The following EFCAB10 variants were observed in gnomAD, a reference collection of about 807,000 sequenced individuals.
The protein encoded by EFCAB10 is EF-hand calcium-binding domain-containing protein 10.
In EFCAB10, 7 loss-of-function variants were observed where a neutral mutation model predicts 7.7. The observed-to-expected ratio is 0.91, with a 90% CI of 0.52 to 1.72. The LOEUF (loss-of-function observed/expected upper bound fraction) is 1.72. EFCAB10 is among the 40% of genes most tolerant of loss of function. EFCAB10 has a pLI of 0.00. For missense variants in EFCAB10, 112 were observed against 61.5 expected, an observed-to-expected ratio of 1.82 and a Z score of -2.74; for synonymous variants, 52 against 21.0, an observed-to-expected ratio of 2.47 and a Z score of -4.03.
chr7:105,569,054 C>G (rs536758058), intron 3 of EFCAB10, 149 bp downstream of exon 3: 1 of 606,120 alleles, frequency 1.6e-6, no homozygotes, highest in South Asian at 2.0e-5. Context: ...TTACCGTCAG[C>G]CTTACCTGTC....
In EFCAB10 at chr7:105,580,635, G is replaced by A. The variant is rs75541981; in HGVS notation, c.106+723C>T. 9.6e-4 allele frequency among the ~76,000 whole-genome samples: 146 copies of A among 152,056 alleles called. 3 individuals carry two copies. Among genetic ancestry groups the A allele is most frequent in the Admixed American group, 7.7e-3 (117 of 15,270 alleles). On this transcript the variant is annotated intron_variant, in intron 1 of 4. Transcript: ENST00000480514. ...GTCTCCTATACATGATATTGGTTGG[G>A]TGTTTTTTGGCAAAATTGGAATGTT...
chr7:105,576,985 C>T (rs796773633), intron 1 of EFCAB10, among the ~76,000 whole-genome samples: 28 of 151,572 alleles, frequency 1.8e-4, no homozygotes, highest in African/African-American at 5.8e-4. Flanking sequence ...ACCCCAGAGG[C>T]GGAGGTTGCA....
chr7:105,565,772 G>GTCTA (rs1476993604), intron 4 of EFCAB10: 21 of 645,882 alleles, frequency 3.3e-5, no homozygotes, highest in Admixed American at 1.7e-4. Flanking sequence ...TTAAAACATT[G>GTCTA]TCTATCTACT....
intron 1 of EFCAB10, among the ~76,000 whole-genome samples, chr7:105,580,562 T>C (rs565601199): frequency 6.6e-6 from 1 of 152,160 alleles, no homozygotes; most frequent in East Asian, 1.9e-4. Flanking sequence ...CCTTTTTTTT[T>C]CTTTCTAATA....
intron 1 of EFCAB10, 106 bp downstream of exon 1, chr7:105,581,252 C>T: frequency 1.5e-6 from 1 of 651,296 alleles, no homozygotes; most frequent in Non-Finnish European, 2.8e-6. Flanking sequence ...CAGAAGGGCT[C>T]ACGTGGCTGG....
chr7:105,581,224 C>T (rs1393531583), intron 1 of EFCAB10, 134 bp downstream of exon 1: 3 of 615,528 alleles, frequency 4.9e-6, no homozygotes, highest in Non-Finnish European at 8.8e-6. Context: ...TATTGAAGGC[C>T]GCAGAGTTAA....
At chr7:105,574,548 G>A (rs942453262) in intron 1 of EFCAB10, among the ~76,000 whole-genome samples, 2 of 151,688 alleles carry the variant, frequency 1.3e-5, no homozygotes, top group South Asian at 2.1e-4. Context: ...GCAGAGGCGC[G>A]ATCTTGGCTC....
rs55834096 is a variant in EFCAB10, at chr7:105,567,513, C to T, written c.360-23G>A. ...TTCCTAAGGAAACAAAAACAGAAAA[C>T]GAAACAATGAAAACTCAATTCTATT... On this transcript the variant is annotated intron_variant, in intron 3 of 4. Transcript: ENST00000480514. The T allele has an allele frequency of 2.4e-4, 166 of 691,904 alleles. No homozygotes were observed. The African/African-American group carries it at 2.6e-3, about 11-fold the overall frequency. 42.9% of individuals were successfully genotyped at this position (691,904 alleles called of 1,614,324 possible).
At chr7:105,570,616 C>T (rs1010313048) in intron 1 of EFCAB10, among the ~76,000 whole-genome samples, 10 of 151,858 alleles carry the variant, frequency 6.6e-5, no homozygotes, top group African/African-American at 2.4e-4. Flanking sequence ...TGCTATGTTG[C>T]CCAGACCAGT....
chr7:105,578,106 C>T (rs1175677730), intron 1 of EFCAB10, among the ~76,000 whole-genome samples: 7 of 152,112 alleles, frequency 4.6e-5, no homozygotes, highest in Non-Finnish European at 7.3e-5. Context: ...TTAAGATACC[C>T]GTATTCAGGA....
chr7:105,570,228 AAAAAAAAAAAAAATAT>A (rs1181309145), intron 1 of EFCAB10, among the ~76,000 whole-genome samples: 9 of 65,032 alleles, frequency 1.4e-4, no homozygotes, highest in African/African-American at 6.0e-4. Flanking sequence ...AAAAAAAAAA[AAAAAAAAAAAAAATAT>A]ATATATATAT....
At chr7:105,571,089 A>G (rs1791939108) in intron 1 of EFCAB10, 1 of 152,200 alleles carries the variant, frequency 6.6e-6, no homozygotes, top group Non-Finnish European at 1.5e-5. Context: ...AAAAGTAGAC[A>G]GAAAAGTAAA....
Position 105,570,971 on chromosome 7 carries a change from G to C in EFCAB10, c.107-1400C>G, listed in dbSNP as rs1254305466. On this transcript the variant is annotated intron_variant, in intron 1 of 4. Transcript: ENST00000480514. ...ACCTGGGAGGTGGACCTTGCAGTGA[G>C]CTGAGATTGCGCCACAGCACTCCAG... The C allele has an allele frequency of 2.0e-5, 3 of 152,118 alleles. No individual in the cohort carries two copies. In the East Asian group the frequency reaches 5.8e-4, roughly 29 times the overall value. 9.4% of individuals were successfully genotyped at this position (152,118 alleles called of 1,614,324 possible).
intron 1 of EFCAB10, among the ~76,000 whole-genome samples, chr7:105,570,223 AAAAAAAAAAAAAAAAAAATAT>A (rs1336445689): frequency 2.2e-4 from 14 of 64,388 alleles, no homozygotes; most frequent in African/African-American, 9.0e-4. Flanking sequence ...AAAAAAAAAA[AAAAAAAAAAAAAAAAAAATAT>A]ATATATATAT....
chr7:105,570,630 G>C (rs1306448243), intron 1 of EFCAB10, among the ~76,000 whole-genome samples: 1 of 151,400 alleles, frequency 6.6e-6, no homozygotes, highest in Non-Finnish European at 1.5e-5. Flanking sequence ...GACCAGTCTC[G>C]AGCTCATGGG....
intron 1 of EFCAB10, chr7:105,572,436 G>A (rs1317406475): frequency 2.6e-5 from 4 of 152,114 alleles, no homozygotes; most frequent in Admixed American, 1.3e-4. Flanking sequence ...ATTCATCCAT[G>A]GACACTTAGG....
intron 1 of EFCAB10, among the ~76,000 whole-genome samples, chr7:105,576,469 T>C (rs760302387): frequency 2.0e-5 from 3 of 151,798 alleles, no homozygotes; most frequent in African/African-American, 4.8e-5. Context: ...TTAAGACAGA[T>C]TCTCACTCTG....
chr7:105,574,768 C>G (rs975118356), intron 1 of EFCAB10, among the ~76,000 whole-genome samples: 3 of 151,758 alleles, frequency 2.0e-5, no homozygotes, highest in Non-Finnish European at 4.4e-5. Context: ...CAAGCGTGAG[C>G]CACTGTGCCC....
chr7:105,569,030 C>G (rs1791867782), intron 3 of EFCAB10, among the ~76,000 whole-genome samples, 173 bp downstream of exon 3: 1 of 151,938 alleles, frequency 6.6e-6, no homozygotes, highest in South Asian at 2.1e-4. Context: ...TTCCTATTCC[C>G]AAGTTTAGGG....
Sources: gnomAD v4.1 joint callset for allele counts (sites outside exome capture counted in the v4.1 genomes callset) on GRCh38, gnomAD v4.1.1 for gene constraint, MANE v1.5 for transcripts, NCBI Gene and HGNC (gene_info 2026-07-23, HGNC 2026-07-21) for gene names.